DENND4C: variants seen among roughly 807,000 people sequenced by gnomAD.
The protein encoded by DENND4C is DENN domain containing 4C, also known as DENN domain-containing protein 4C.
A neutral mutation model predicts 203.0 loss-of-function variants in DENND4C; 108 were observed. The observed-to-expected ratio is 0.53, with a 90% CI of 0.46 to 0.62. DENND4C has a LOEUF of 0.62. Ranked by LOEUF, DENND4C falls within the 20% of genes least tolerant of loss-of-function variation. The pLI, the probability that DENND4C is intolerant of heterozygous loss-of-function variation, is 0.00. For missense variants in DENND4C, 2,481 were observed against 2,301.2 expected (o/e 1.08, Z -1.60); for synonymous variants, 871 against 792.4 (o/e 1.10, Z -1.67).
intron 16 of DENND4C, among the ~76,000 whole-genome samples, chr9:19,329,644 C>T (rs1303969513): frequency 6.6e-6 from 1 of 152,206 alleles, no homozygotes. Context: ...AAAGTGGCTG[C>T]TCCACTTTAC....
Position 19,299,210 on chromosome 9 carries a change from T to G in DENND4C, c.1108-19T>G. On this transcript the variant is annotated intron_variant, in intron 7 of 32. Coordinates refer to ENST00000434457, the MANE Select transcript of DENND4C (RefSeq NM_001330640.2). ...GGTTAATTTATCTTTGGTTAATTTA[T>G]CTTTTTTTTTTTTTTAAGCTGTCAG... 6.6e-7 allele frequency: 1 copy of G among 1,522,482 alleles called. No homozygotes were observed. The highest frequency in any genetic ancestry group is 1.3e-5 in the South Asian group (1 of 76,856). 94.3% of individuals were successfully genotyped at this position (1,522,482 alleles called of 1,614,324 possible). A position where few individuals can be genotyped will look rare whatever the true frequency, so the allele number is the denominator to read the frequency against.
intron 1 of DENND4C, among the ~76,000 whole-genome samples, chr9:19,250,172 G>C (rs1034544522): frequency 6.6e-6 from 1 of 152,116 alleles, no homozygotes; most frequent in Admixed American, 6.5e-5. Flanking sequence ...ACATACCCAA[G>C]TGACTCACGC....
At chr9:19,298,001 CTG>C (rs571560178) in intron 6 of DENND4C, 53 bp from the exon 7 acceptor site, 1 of 1,354,772 alleles carries the variant, frequency 7.4e-7, no homozygotes, top group Non-Finnish European at 1.0e-6. Context: ...TTGTTAAAAA[CTG>C]TGATGCATTT....
intron 5 of DENND4C, among the ~76,000 whole-genome samples, chr9:19,295,768 C>G (rs2131254022): frequency 6.6e-6 from 1 of 151,738 alleles, no homozygotes; most frequent in Middle Eastern, 3.4e-3. Context: ...TAAGAGGTTA[C>G]CATCCATTTT....
chr9:19,308,910 G>T (rs928143021), intron 10 of DENND4C, among the ~76,000 whole-genome samples: 1 of 152,086 alleles, frequency 6.6e-6, no homozygotes, highest in Non-Finnish European at 1.5e-5. Flanking sequence ...GTATTATACT[G>T]TCTTAATGGC....
rs59268086 is a variant in DENND4C at position 19,262,448 on chromosome 9, C to CTT, written c.-17-13698_-17-13697dup. On this transcript the variant is annotated intron_variant, in intron 1 of 32. Transcript: ENST00000434457. ...TTACATTTTTCCAAATATATCATATCTTTTTTTTTTTTTGAGACAGTCACC... is the reference window on the plus strand; with the variant it reads ...TTACATTTTTCCAAATATATCATATCTTTTTTTTTTTTTTTGAGACAGTCACC... 9.8e-4 allele frequency among the ~76,000 whole-genome samples: 132 copies of CTT among 134,190 alleles called. 1 individual carries two copies. The highest frequency in any genetic ancestry group is 6.8e-3 in the Admixed American group (93 of 13,614). The allele number at this position is 134,190 out of a possible 152,430, so 88.0% of individuals were successfully genotyped here. A position where few individuals can be genotyped will look rare whatever the true frequency, so the allele number is the denominator to read the frequency against.
At chr9:19,334,534 T>C (rs1820001844) in intron 17 of DENND4C, among the ~76,000 whole-genome samples, 1 of 148,014 alleles carries the variant, frequency 6.8e-6, no homozygotes, top group Non-Finnish European at 1.5e-5. Context: ...TTTTTTTTTC[T>C]TTTTTTTTTG....
chr9:19,353,713 A>G (rs1824711930), intron 26 of DENND4C, among the ~76,000 whole-genome samples: 1 of 150,142 alleles, frequency 6.7e-6, no homozygotes, highest in African/African-American at 2.5e-5. Flanking sequence ...CAGGCAGATC[A>G]CTTGAGGTCA....
chr9:19,359,779 G>A (rs1207997631), intron 28 of DENND4C, among the ~76,000 whole-genome samples: 1 of 152,084 alleles, frequency 6.6e-6, no homozygotes, highest in Non-Finnish European at 1.5e-5. Flanking sequence ...TTATAAAAAT[G>A]CTATTTCTTT....
intron 17 of DENND4C, 71 bp downstream of exon 17, chr9:19,332,255 A>G (rs750003264): frequency 1.4e-6 from 2 of 1,395,244 alleles, no homozygotes; most frequent in Non-Finnish European, 2.0e-6. Flanking sequence ...ATTTGGGTGT[A>G]AGTTGCTTTA....
intron 1 of DENND4C, among the ~76,000 whole-genome samples, chr9:19,253,080 T>C (rs1049382763): frequency 1.3e-5 from 2 of 152,240 alleles, no homozygotes; most frequent in South Asian, 2.1e-4. Context: ...GATTCCTCTC[T>C]TGACTTTTAA....
At chr9:19,310,264 C>T (rs535308997) in intron 10 of DENND4C, among the ~76,000 whole-genome samples, 22 of 152,264 alleles carry the variant, frequency 1.4e-4, no homozygotes, top group East Asian at 1.3e-3. Context: ...CAGCTAGGAT[C>T]GCTAGTGTAA....
intron 30 of DENND4C, among the ~76,000 whole-genome samples, chr9:19,365,557 A>C (rs1827460962): frequency 6.6e-6 from 1 of 152,056 alleles, no homozygotes. Context: ...AAGAAAAGAA[A>C]AGGCATCCAA....
chr9:19,263,646 A>G (rs1829876240), intron 1 of DENND4C, among the ~76,000 whole-genome samples: 1 of 124,628 alleles, frequency 8.0e-6, no homozygotes, highest in African/African-American at 3.1e-5. Flanking sequence ...GTGGCCTGTA[A>G]TTTTCTTCCC....
chr9:19,306,254 G>C (rs1039418116), intron 10 of DENND4C, among the ~76,000 whole-genome samples: 1 of 152,148 alleles, frequency 6.6e-6, no homozygotes, highest in African/African-American at 2.4e-5. Context: ...AAAATGAAGA[G>C]AGAAATATTT....
At chr9:19,241,497 C>T (rs1448458016) in intron 1 of DENND4C, among the ~76,000 whole-genome samples, 1 of 147,324 alleles carries the variant, frequency 6.8e-6, no homozygotes, top group African/African-American at 2.5e-5. Context: ...TGCATCTGGC[C>T]TTTTTTTTTC....
chr9:19,297,619 A>G (rs1837729569), intron 6 of DENND4C, among the ~76,000 whole-genome samples: 1 of 152,184 alleles, frequency 6.6e-6, no homozygotes, highest in Non-Finnish European at 1.5e-5. Flanking sequence ...GGAGAAACTT[A>G]AGAAGCAATT....
intron 10 of DENND4C, among the ~76,000 whole-genome samples, chr9:19,309,422 C>CA (rs778968240): frequency 0.071 from 6,740 of 94,702 alleles, 194 homozygotes; most frequent in Non-Finnish European, 0.1. Context: ...AACTCCATCT[C>CA]AAAAAAAAAA....
At chr9:19,274,216 T>C (rs1048757193) in intron 1 of DENND4C, among the ~76,000 whole-genome samples, 1 of 151,960 alleles carries the variant, frequency 6.6e-6, no homozygotes, top group African/African-American at 2.4e-5. Context: ...TCTATAATGA[T>C]AGGAAGCTGA....
Sources: allele counts gnomAD v4.1 joint callset (sites outside exome capture counted in the v4.1 genomes callset), GRCh38; gene constraint gnomAD v4.1.1; transcripts MANE v1.5; gene names NCBI Gene and HGNC (gene_info 2026-07-23, HGNC 2026-07-21).